The following PTPRD variants were observed in gnomAD, a reference collection of about 807,000 sequenced individuals.
The protein encoded by PTPRD is protein tyrosine phosphatase receptor type D, also known as receptor-type tyrosine-protein phosphatase delta.
A neutral mutation model predicts 214.5 loss-of-function variants in PTPRD; 34 were observed. That is an observed-to-expected ratio of 0.16 (90% CI 0.12 to 0.21). The LOEUF (loss-of-function observed/expected upper bound fraction) is 0.21, where lower values mean the gene tolerates loss of function less well. PTPRD is among the 10% of genes least tolerant of loss of function. The probability of loss-of-function intolerance (pLI) is 1.00; values close to 1 mark genes in which losing one functional copy is unlikely to be tolerated. For synonymous variants in PTPRD, 1,128 were observed against 845.7 expected (o/e 1.33, Z -5.79); for missense variants, 2,545 against 2,398.7 (o/e 1.06, Z -1.27).
At chr9:10,116,824 A>G (rs1707034793) in intron 3 of PTPRD, among the ~76,000 whole-genome samples, 1 of 152,036 alleles carries the variant, frequency 6.6e-6, no homozygotes, top group African/African-American at 2.4e-5. Context: ...TCTCAAACAT[A>G]TTAAGCATAC....
chr9:9,755,739 G>C (rs2098563528), intron 6 of PTPRD, among the ~76,000 whole-genome samples: 1 of 151,994 alleles, frequency 6.6e-6, no homozygotes, highest in South Asian at 2.1e-4. Flanking sequence ...CTGAGGTTCT[G>C]ATACAGCATA....
chr9:9,921,478 A>T (rs1161945466), intron 5 of PTPRD, among the ~76,000 whole-genome samples: 1 of 151,930 alleles, frequency 6.6e-6, no homozygotes, highest in African/African-American at 2.4e-5. Context: ...TTCTAGTAAA[A>T]TATCTTAGAA....
intron 9 of PTPRD, among the ~76,000 whole-genome samples, chr9:9,286,796 A>G (rs1949526838): frequency 6.8e-6 from 1 of 147,048 alleles, no homozygotes; most frequent in South Asian, 2.2e-4. Flanking sequence ...TTCTGTTGAT[A>G]GCATAGTGCC....
chr9:8,655,812 G>C (rs1472753018), intron 12 of PTPRD, among the ~76,000 whole-genome samples: 1 of 141,268 alleles, frequency 7.1e-6, no homozygotes, highest in Non-Finnish European at 1.5e-5. Flanking sequence ...GGCAGCACTT[G>C]CTTATTCTTA....
At chr9:9,689,185 T>A (rs751201644) in intron 7 of PTPRD, among the ~76,000 whole-genome samples, 9 of 151,866 alleles carry the variant, frequency 5.9e-5, no homozygotes, top group Admixed American at 6.6e-5. Context: ...GACCAGAGAC[T>A]ACTTATTTAG....
intron 3 of PTPRD, among the ~76,000 whole-genome samples, chr9:10,270,684 G>C (rs1047948330): frequency 6.6e-6 from 1 of 152,000 alleles, no homozygotes; most frequent in African/African-American, 2.4e-5. Flanking sequence ...AAAAAATTGT[G>C]GTATTGGATG....
intron 14 of PTPRD, among the ~76,000 whole-genome samples, chr9:8,600,069 GGTAGT>G (rs1306207151): frequency 2.6e-5 from 4 of 152,190 alleles, no homozygotes. Flanking sequence ...GCTGCAGCCT[GGTAGT>G]GTAAGGAATC....
chr9:8,505,888 T>A (rs1276703720), intron 22 of PTPRD, among the ~76,000 whole-genome samples: 1 of 152,174 alleles, frequency 6.6e-6, no homozygotes. Flanking sequence ...AGTTTGGTGG[T>A]CGTGATGAAG....
intron 11 of PTPRD, among the ~76,000 whole-genome samples, chr9:8,836,929 T>C (rs1467874866): frequency 6.6e-6 from 1 of 151,608 alleles, no homozygotes; most frequent in Non-Finnish European, 1.5e-5. Flanking sequence ...AAGTCCCATC[T>C]CAAGCTAACC....
intron 2 of PTPRD, among the ~76,000 whole-genome samples, chr9:10,479,828 G>A (rs1435945636): frequency 1.3e-5 from 2 of 151,822 alleles, no homozygotes; most frequent in Non-Finnish European, 2.9e-5. Flanking sequence ...CTTAGAAAAA[G>A]AACAAACCGC....
chr9:8,676,378 ATTTTTT>A (rs559455727), intron 12 of PTPRD, among the ~76,000 whole-genome samples: 28 of 111,606 alleles, frequency 2.5e-4, no homozygotes, highest in African/African-American at 9.1e-4. Context: ...GCTCATTTTC[ATTTTTT>A]TTTTTTTTTT....
chr9:10,321,579 C>T (rs1251185023), intron 3 of PTPRD, among the ~76,000 whole-genome samples: 1 of 151,836 alleles, frequency 6.6e-6, no homozygotes, highest in Admixed American at 6.6e-5. Flanking sequence ...AGCAATGAAA[C>T]GATTTTGAAG....
At chr9:10,452,373 T>A (rs1331097128) in intron 2 of PTPRD, among the ~76,000 whole-genome samples, 1 of 151,258 alleles carries the variant, frequency 6.6e-6, no homozygotes, top group Non-Finnish European at 1.5e-5. Flanking sequence ...GGTAACTCTA[T>A]TTTTATTTTT....
At chr9:9,341,252 C>T (rs1281007236) in intron 9 of PTPRD, among the ~76,000 whole-genome samples, 5 of 152,030 alleles carry the variant, frequency 3.3e-5, no homozygotes, top group Non-Finnish European at 7.4e-5. Context: ...CTCTATTTAA[C>T]CTCCATCTGT....
rs140974170 is a variant in PTPRD, at chr9:10,166,707, G to A, written c.-544-132917C>T. 9.7e-4 allele frequency among the ~76,000 whole-genome samples: 148 copies of A among 152,050 alleles called. 1 individual carries two copies. The highest frequency in any genetic ancestry group is 3.5e-3 in the African/African-American group (145 of 41,532). On this transcript the variant is annotated intron_variant, in intron 3 of 45. Coordinates refer to ENST00000381196, the MANE Select transcript of PTPRD (RefSeq NM_002839.4). ...TCTTCTTCCCTAGCACTTGGAAGTG[G>A]ATAATAATAACACATTTTCAAGAAA...
At chr9:10,041,086 T>C (rs291277) in intron 3 of PTPRD, among the ~76,000 whole-genome samples, 63,257 of 151,928 alleles carry the variant, frequency 0.42, 15,611 homozygotes, top group African/African-American at 0.67. Flanking sequence ...CATAAAAGCA[T>C]ATGCTTTCTC....
chr9:10,071,394 C>T (rs1245528171), intron 3 of PTPRD, among the ~76,000 whole-genome samples: 1 of 151,964 alleles, frequency 6.6e-6, no homozygotes, highest in East Asian at 1.9e-4. Flanking sequence ...GCTACAGTAA[C>T]CAAGTCAGTG....
chr9:9,828,321 G>A (rs953383787), intron 5 of PTPRD, among the ~76,000 whole-genome samples: 7 of 152,120 alleles, frequency 4.6e-5, no homozygotes, highest in African/African-American at 1.7e-4. Flanking sequence ...ATACTATGCA[G>A]CCATAAAAAA....
chr9:9,947,596 A>AATATATATAAT (rs2092939285), intron 4 of PTPRD, among the ~76,000 whole-genome samples: 2 of 47,926 alleles, frequency 4.2e-5, no homozygotes, highest in African/African-American at 2.4e-4. Flanking sequence ...TTATATATAT[A>AATATATATAAT]ATATATATAT....
Sources: gnomAD v4.1 joint callset for allele counts (sites outside exome capture counted in the v4.1 genomes callset) on GRCh38, gnomAD v4.1.1 for gene constraint, MANE v1.5 for transcripts, NCBI Gene and HGNC (gene_info 2026-07-23, HGNC 2026-07-21) for gene names.